Variants in ADAMTSL2 observed in about 807,000 individuals in gnomAD.
ADAMTSL2 encodes ADAMTS like 2, also known as ADAMTS-like protein 2.
In ADAMTSL2, 55 loss-of-function variants were observed where a neutral mutation model predicts 117.0. The ratio of observed to expected loss-of-function variants is 0.47; its 90% CI spans 0.38 to 0.59. The LOEUF (loss-of-function observed/expected upper bound fraction) is 0.59. ADAMTSL2 is among the 20% of genes least tolerant of loss of function. The pLI is 0.00. For missense variants in ADAMTSL2, 1,182 were observed against 1,354.5 expected (o/e 0.87, Z 2.00); for synonymous variants, 572 against 566.4 (o/e 1.01, Z -0.14).
chr9:133,570,098 T>C (rs1404288733), intron 16 of ADAMTSL2, among the ~76,000 whole-genome samples: 1 of 152,278 alleles, frequency 6.6e-6, no homozygotes, highest in Non-Finnish European at 1.5e-5. Flanking sequence ...GGCCAGATTG[T>C]CATTAGCCAA....
At chr9:133,551,812 C>CTTTTTTTTTTTTTTTTTTTTTTT (rs56225051) in intron 9 of ADAMTSL2, among the ~76,000 whole-genome samples, 6 of 111,060 alleles carry the variant, frequency 5.4e-5, no homozygotes, top group African/African-American at 1.5e-4. Context: ...AAAGCAGCAG[C>CTTTTTTTTTTTTTTTTTTTTTTT]TTTTTTTTTT....
chr9:133,564,614 G>A (rs1588305343), intron 12 of ADAMTSL2, among the ~76,000 whole-genome samples: 3 of 65,998 alleles, frequency 4.5e-5, no homozygotes, highest in Admixed American at 1.2e-4. Context: ...GAGGGAGAGA[G>A]AGAGAGAGAG....
chr9:133,550,097 G>A (rs146224313), intron 9 of ADAMTSL2, among the ~76,000 whole-genome samples: 1 of 152,380 alleles, frequency 6.6e-6, no homozygotes, highest in Non-Finnish European at 1.5e-5. Flanking sequence ...CTAGCTCACA[G>A]CTATGGCTGT....
At chr9:133,545,342 C>A (rs905507120) in intron 8 of ADAMTSL2, among the ~76,000 whole-genome samples, 6 of 152,202 alleles carry the variant, frequency 3.9e-5, no homozygotes, top group Non-Finnish European at 4.4e-5. Context: ...GGTTTACTCC[C>A]CCCACTGCCT....
At chr9:133,556,195 C>A (rs1172169496) in intron 11 of ADAMTSL2, among the ~76,000 whole-genome samples, 4 of 152,220 alleles carry the variant, frequency 2.6e-5, no homozygotes, top group African/African-American at 9.7e-5. Flanking sequence ...CCTATGTGTG[C>A]AGCTGATGGG....
intron 11 of ADAMTSL2, 134 bp from the exon 12 acceptor site, chr9:133,561,064 G>C (rs1472351245): frequency 7.8e-6 from 6 of 773,648 alleles, no homozygotes; most frequent in Non-Finnish European, 4.5e-6. Flanking sequence ...GTGGAGGGTC[G>C]GCCCGGGGCT....
At chr9:133,567,151 C>T (rs958397836) in intron 13 of ADAMTSL2, 89 bp downstream of exon 13, 46 of 1,498,636 alleles carry the variant, frequency 3.1e-5, no homozygotes, top group Middle Eastern at 3.7e-4. Context: ...CCCCCTGCCC[C>T]GTAGAGGTTC....
intron 12 of ADAMTSL2, among the ~76,000 whole-genome samples, chr9:133,564,301 GGAGA>G (rs1231208305): frequency 1.1e-4 from 1 of 9,498 alleles, no homozygotes; most frequent in Non-Finnish European, 2.2e-4. Flanking sequence ...GGAGAGAGAG[GGAGA>G]GAGAGAGAAA....
chr9:133,567,824 C>T (rs1173441310), intron 13 of ADAMTSL2, among the ~76,000 whole-genome samples: 5 of 152,224 alleles, frequency 3.3e-5, no homozygotes, highest in Non-Finnish European at 7.3e-5. Context: ...AGTCTATCTG[C>T]CTGGAAGACT....
At chr9:133,540,831 T>C (rs878933440) in intron 6 of ADAMTSL2, 47 bp from the exon 7 acceptor site, 1 of 1,613,162 alleles carries the variant, frequency 6.2e-7, no homozygotes, top group Admixed American at 1.7e-5. Context: ...CCCCGGGGCC[T>C]GGCCACAGCG....
chr9:133,535,120 G>A (rs1830020533), intron 1 of ADAMTSL2, among the ~76,000 whole-genome samples: 1 of 152,160 alleles, frequency 6.6e-6, no homozygotes, highest in African/African-American at 2.4e-5. Flanking sequence ...GGAGCTCTGT[G>A]TGCACGGCAG....
At chr9:133,564,344 AAGAG>A (rs1158573725) in intron 12 of ADAMTSL2, among the ~76,000 whole-genome samples, 1 of 3,670 alleles carries the variant, frequency 2.7e-4, no homozygotes, top group African/African-American at 1.5e-3. Context: ...AAGAGAGAGA[AAGAG>A]AGAGGGAGAG....
At position 133,554,334 on chromosome 9, in the gene ADAMTSL2, G is replaced by T; in HGVS notation, c.940-23G>T. On this transcript the variant is annotated intron_variant, in intron 9 of 18. Coordinates refer to ENST00000651351, the MANE Select transcript of ADAMTSL2 (RefSeq NM_014694.4). The surrounding 1 kb of genome is among the most constrained non-coding windows in gnomAD (Gnocchi z 5.2). ...GGCTGGACAGAGTAAGGAGGGGCTG[G>T]GGACCCACTTCTCTTTCCCTAGGTG... 6.5e-7 allele frequency: 1 copy of T among 1,533,438 alleles called. No individual in the cohort carries two copies. The highest frequency in any genetic ancestry group is 8.7e-7 in the Non-Finnish European group (1 of 1,142,944). The allele number at this position is 1,533,438 out of a possible 1,614,324, so 95.0% of individuals were successfully genotyped here.
At chr9:133,551,296 GC>G (rs1554813110) in intron 9 of ADAMTSL2, among the ~76,000 whole-genome samples, 1 of 146,832 alleles carries the variant, frequency 6.8e-6, no homozygotes, top group Admixed American at 6.8e-5. Context: ...CATCATAAGG[GC>G]CCCCCCACAC....
chr9:133,544,529 A>G lies in ADAMTSL2; in HGVS notation c.742A>G (p.Lys248Glu). Residue 248 changes from lysine to glutamate, a missense_variant, in exon 8 of 19, where the codon AAG (lysine) becomes GAG (glutamate). Physicochemically the swap from Lys to Glu is moderately conservative, Grantham distance 56. This residue lies in a region of ADAMTSL2 where 372 missense variants were observed against 463.4 expected (regional missense o/e 0.80). Coordinates refer to ENST00000651351, the MANE Select transcript of ADAMTSL2 (RefSeq NM_014694.4). ...CCGAGACATCCAGATTGTAGAGAGGAAGAAGTCCGCTGACGTGCTAGGTGG... is the reference window on the plus strand; with the variant it reads ...CCGAGACATCCAGATTGTAGAGAGGGAGAAGTCCGCTGACGTGCTAGGTGG... ...GARDIQIVER[K>E]KSADVLALAD... is the part of the protein sequence containing the mutation. 1 of 1,614,152 alleles carries G rather than the reference A, an allele frequency of 6.2e-7. No individual in the cohort carries two copies. The highest frequency in any genetic ancestry group is 8.5e-7 in the Non-Finnish European group (1 of 1,180,006).
At chr9:133,563,884 AGGGAGAGAGAGAGAGAAGGG>A (rs1830821112) in intron 12 of ADAMTSL2, among the ~76,000 whole-genome samples, 3 of 43,366 alleles carry the variant, frequency 6.9e-5, no homozygotes, top group African/African-American at 1.0e-4. Context: ...AGAGAGAGAG[AGGGAGAGAGAGAGAGAAGGG>A]GAGAGAGAGA....
intron 12 of ADAMTSL2, among the ~76,000 whole-genome samples, chr9:133,565,771 C>G (rs887792168): frequency 8.5e-5 from 13 of 152,162 alleles, no homozygotes; most frequent in Admixed American, 8.5e-4. Context: ...TCTGGGGGAA[C>G]TGGCAGCTGC....
At chr9:133,564,667 AGG>A (rs1830916972) in intron 12 of ADAMTSL2, among the ~76,000 whole-genome samples, 4 of 118,516 alleles carry the variant, frequency 3.4e-5, no homozygotes, top group Non-Finnish European at 7.1e-5. Flanking sequence ...GGAGAGAGAG[AGG>A]GAGAGGGAGA....
chr9:133,540,646 C>CCGTGGA lies in ADAMTSL2; in HGVS notation c.464_469dup (p.Val155_Asp156dup). The CCGTGGA allele has an allele frequency of 6.2e-7, 1 of 1,613,744 alleles. No individual in the cohort carries two copies. The highest frequency in any genetic ancestry group is 8.5e-7 in the Non-Finnish European group (1 of 1,180,042). On this transcript the variant is annotated inframe_insertion, in exon 6 of 19. Coordinates refer to ENST00000651351, the MANE Select transcript of ADAMTSL2 (RefSeq NM_014694.4). ...AAACCGTGTGACCTGCACTGTACCA[C>CCGTGGA]CGTGGACGGCCAGCGGCAGCTCATG...
Sources: allele counts gnomAD v4.1 joint callset (sites outside exome capture counted in the v4.1 genomes callset), GRCh38; gene constraint gnomAD v4.1.1; regional missense constraint gnomAD v4.1.1; non-coding constraint Gnocchi (gnomAD v3.1); transcripts MANE v1.5; gene names NCBI Gene and HGNC (gene_info 2026-07-23, HGNC 2026-07-21).